TMEM132D: variants seen among roughly 807,000 people sequenced by gnomAD.
TMEM132D encodes mature OL transmembrane protein.
Under a neutral mutation model 62.3 loss-of-function variants are expected in TMEM132D, and 21 were observed. The ratio of observed to expected loss-of-function variants is 0.34; its 90% CI spans 0.24 to 0.49. TMEM132D has a LOEUF of 0.49. Ranked by LOEUF, TMEM132D falls within the 20% of genes least tolerant of loss-of-function variation. TMEM132D has a pLI of 0.99. For missense variants in TMEM132D, 1,346 were observed against 1,402.8 expected (o/e 0.96, Z 0.65); for synonymous variants, 621 against 575.6 (o/e 1.08, Z -1.13).
At chr12:129,419,347 C>T (rs1872227084) in intron 3 of TMEM132D, among the ~76,000 whole-genome samples, 1 of 152,104 alleles carries the variant, frequency 6.6e-6, no homozygotes, top group African/African-American at 2.4e-5. Flanking sequence ...CCTAGCAATT[C>T]CATGGGACCT....
At chr12:129,770,866 T>C (rs2137282605) in intron 1 of TMEM132D, among the ~76,000 whole-genome samples, 1 of 152,380 alleles carries the variant, frequency 6.6e-6, no homozygotes, top group East Asian at 1.9e-4. Context: ...ACCGAATGTG[T>C]ACTGCTTTTG....
chr12:129,534,003 G>T (rs1266221901), intron 2 of TMEM132D, among the ~76,000 whole-genome samples: 1 of 152,216 alleles, frequency 6.6e-6, no homozygotes, highest in Non-Finnish European at 1.5e-5. Flanking sequence ...TAATAATTTT[G>T]AAGCACGAAT....
chr12:129,383,369 A>C (rs926729733), intron 3 of TMEM132D, among the ~76,000 whole-genome samples: 1 of 152,206 alleles, frequency 6.6e-6, no homozygotes, highest in Non-Finnish European at 1.5e-5. Context: ...TTAGACACAC[A>C]ATCAACAGAA....
At chr12:129,502,357 A>G (rs1188202582) in intron 3 of TMEM132D, among the ~76,000 whole-genome samples, 1 of 152,190 alleles carries the variant, frequency 6.6e-6, no homozygotes, top group African/African-American at 2.4e-5. Flanking sequence ...TTGAATATCA[A>G]TCATCAGACA....
chr12:129,259,873 G>C (rs1348611816), intron 4 of TMEM132D, among the ~76,000 whole-genome samples: 2 of 152,174 alleles, frequency 1.3e-5, no homozygotes, highest in Non-Finnish European at 2.9e-5. Context: ...TTGAGCAATG[G>C]GGCTGAGGTT....
chr12:129,405,798 C>T (rs185671550), intron 3 of TMEM132D, among the ~76,000 whole-genome samples: 15 of 152,152 alleles, frequency 9.9e-5, no homozygotes, highest in African/African-American at 3.1e-4. Context: ...CCCCTCCCAT[C>T]GTTCATTACT....
At chr12:129,194,094 G>A (rs887211694) in intron 5 of TMEM132D, among the ~76,000 whole-genome samples, 4 of 152,180 alleles carry the variant, frequency 2.6e-5, no homozygotes, top group African/African-American at 9.7e-5. Flanking sequence ...ACCTGTTAAA[G>A]GAACCCTTGG....
At chr12:129,566,638 C>T (rs1445743485) in intron 2 of TMEM132D, among the ~76,000 whole-genome samples, 1 of 152,060 alleles carries the variant, frequency 6.6e-6, no homozygotes, top group Non-Finnish European at 1.5e-5. Flanking sequence ...TTGAAATGGC[C>T]CTGCAAAGCT....
chr12:129,308,172 A>G (rs1184065024), intron 4 of TMEM132D, among the ~76,000 whole-genome samples: 1 of 152,120 alleles, frequency 6.6e-6, no homozygotes, highest in Non-Finnish European at 1.5e-5. Context: ...CTAATCTTTA[A>G]TTCTCGATCA....
chr12:129,259,438 G>GA (rs1252410784), intron 4 of TMEM132D, among the ~76,000 whole-genome samples: 2 of 151,926 alleles, frequency 1.3e-5, no homozygotes, highest in African/African-American at 4.8e-5. Context: ...GGTATGTTAG[G>GA]AAAAAAAATG....
intron 2 of TMEM132D, among the ~76,000 whole-genome samples, chr12:129,664,098 T>C (rs940837394): frequency 6.6e-6 from 1 of 152,114 alleles, no homozygotes; most frequent in African/African-American, 2.4e-5. Flanking sequence ...TTTAAAAAAA[T>C]AGAGAGAAGT....
intron 3 of TMEM132D, among the ~76,000 whole-genome samples, chr12:129,489,167 A>T (rs1874682013): frequency 6.6e-6 from 1 of 152,232 alleles, no homozygotes; most frequent in African/African-American, 2.4e-5. Flanking sequence ...ATGTTGAAGG[A>T]TTCCTTTTTC....
intron 3 of TMEM132D, among the ~76,000 whole-genome samples, chr12:129,373,431 G>C (rs911499114): frequency 6.6e-6 from 1 of 152,072 alleles, no homozygotes; most frequent in South Asian, 2.1e-4. Flanking sequence ...AGGAGATCAA[G>C]ACCATCCTGG....
chr12:129,819,729 G>A (rs1412276644), intron 1 of TMEM132D, among the ~76,000 whole-genome samples: 1 of 152,142 alleles, frequency 6.6e-6, no homozygotes, highest in Non-Finnish European at 1.5e-5. Flanking sequence ...TGCTGGTACT[G>A]CTGTTCGTGT....
chr12:129,087,978 C>T (rs1361119871), intron 5 of TMEM132D, among the ~76,000 whole-genome samples: 1 of 49,142 alleles, frequency 2.0e-5, no homozygotes, highest in African/African-American at 1.4e-4. Context: ...CCTCCATGAC[C>T]GGGTGTCCTC....
chr12:129,593,132 A>G (rs938046206), intron 2 of TMEM132D, among the ~76,000 whole-genome samples: 31 of 151,966 alleles, frequency 2.0e-4, no homozygotes, highest in Non-Finnish European at 4.1e-4. Flanking sequence ...GGGAAAAAAA[A>G]GGTTAATCGT....
Position 129,650,038 on chromosome 12 carries a change from T to C in TMEM132D, c.968+49772A>G, listed in dbSNP as rs529997659. 1.8e-4 allele frequency among the ~76,000 whole-genome samples: 27 copies of C among 152,282 alleles called. No individual in the cohort carries two copies. In the South Asian group the frequency reaches 5.4e-3, roughly 30 times the overall value. On this transcript the variant is annotated intron_variant, in intron 2 of 8. Coordinates refer to ENST00000422113, the MANE Select transcript of TMEM132D (RefSeq NM_133448.3). ...ATTGCAAATAGAACTGAAACCTCCATATAACTTGCATGGTGTTTGCTTCCC... is the reference window on the plus strand; with the variant it reads ...ATTGCAAATAGAACTGAAACCTCCACATAACTTGCATGGTGTTTGCTTCCC...
chr12:129,176,449 G>A (rs557222402), intron 5 of TMEM132D, among the ~76,000 whole-genome samples: 10 of 152,340 alleles, frequency 6.6e-5, no homozygotes, highest in East Asian at 3.9e-4. Context: ...GTTGGGACCC[G>A]TAATTCTAGC....
intron 5 of TMEM132D, among the ~76,000 whole-genome samples, chr12:129,135,474 C>T (rs1188853666): frequency 2.0e-5 from 3 of 152,124 alleles, no homozygotes; most frequent in Admixed American, 1.3e-4. Flanking sequence ...TCTCTGCTCC[C>T]CTGATATCAA....
Sources: allele counts gnomAD v4.1 joint callset (sites outside exome capture counted in the v4.1 genomes callset), GRCh38; gene constraint gnomAD v4.1.1; transcripts MANE v1.5; gene names NCBI Gene and HGNC (gene_info 2026-07-23, HGNC 2026-07-21).